Variants in NYAP2 observed in about 807,000 individuals in gnomAD.
The protein encoded by NYAP2 is neuronal tyrosine-phosphorylated phosphoinositide-3-kinase adaptor 2, also known as neuronal tyrosine-phosphorylated phosphoinositide-3-kinase adapter 2.
In NYAP2, 23 loss-of-function variants were observed where a neutral mutation model predicts 50.4. The ratio of observed to expected loss-of-function variants is 0.46; its 90% CI spans 0.33 to 0.65. NYAP2 has a LOEUF of 0.65. Among genes scored for constraint, NYAP2 ranks in the 30% least tolerant of loss-of-function variants. The pLI, the probability that NYAP2 is intolerant of heterozygous loss-of-function variation, is 0.02. For missense variants in NYAP2, 885 were observed against 861.0 expected, an observed-to-expected ratio of 1.03 and a Z score of -0.35; for synonymous variants, 394 against 365.2, an observed-to-expected ratio of 1.08 and a Z score of -0.90.
chr2:225,695,766 A>T, the NYAP2 span, among the ~76,000 whole-genome samples: 1 of 151,976 alleles, frequency 6.6e-6, no homozygotes. Flanking sequence ...CCACTTTGAC[A>T]GTCTCCTGTT....
chr2:225,538,081 T>G (rs911820060), intron 4 of NYAP2, among the ~76,000 whole-genome samples: 1 of 152,174 alleles, frequency 6.6e-6, no homozygotes, highest in African/African-American at 2.4e-5. Context: ...CCCCTGTGGC[T>G]TTGCATGGTA....
chr2:225,535,375 AGTTAGGAGATGTGGGATGAC>A (rs1227447572), intron 4 of NYAP2, among the ~76,000 whole-genome samples: 1 of 152,180 alleles, frequency 6.6e-6, no homozygotes, highest in Admixed American at 6.5e-5. Flanking sequence ...TCCCAAAGAT[AGTTAGGAGATGTGGGATGAC>A]GTATGTAGAT....
At chr2:225,454,905 C>G (rs185489257) in intron 3 of NYAP2, among the ~76,000 whole-genome samples, 1 of 152,132 alleles carries the variant, frequency 6.6e-6, no homozygotes, top group East Asian at 1.9e-4. Flanking sequence ...GTTTGCTAAC[C>G]AGCTGACCAT....
intron 3 of NYAP2, among the ~76,000 whole-genome samples, chr2:225,474,183 A>C (rs1690062031): frequency 6.6e-6 from 1 of 152,172 alleles, no homozygotes; most frequent in African/African-American, 2.4e-5. Flanking sequence ...CTCTTTTGGT[A>C]CCAGTACCAT....
chr2:225,698,581 T>A, the NYAP2 span: 7 of 152,296 alleles, frequency 4.6e-5, no homozygotes, highest in African/African-American at 1.7e-4. Context: ...CATTTCTTAA[T>A]ATGAAGAGGG....
At chr2:225,435,585 T>A (rs1251729789) in intron 3 of NYAP2, among the ~76,000 whole-genome samples, 1 of 152,240 alleles carries the variant, frequency 6.6e-6, no homozygotes, top group African/African-American at 2.4e-5. Context: ...GCAGAATAAA[T>A]TGTGTATCAT....
chr2:225,439,221 A>T (rs1400397239), intron 3 of NYAP2, among the ~76,000 whole-genome samples: 1 of 152,158 alleles, frequency 6.6e-6, no homozygotes, highest in Non-Finnish European at 1.5e-5. Context: ...AGGAAGTTGA[A>T]GATATAGGAA....
intron 3 of NYAP2, among the ~76,000 whole-genome samples, chr2:225,485,917 T>A (rs1690287926): frequency 6.6e-6 from 1 of 152,194 alleles, no homozygotes. Flanking sequence ...CCATGGCCTC[T>A]AATCATTAGA....
intron 5 of NYAP2, among the ~76,000 whole-genome samples, chr2:225,622,332 C>A (rs539485926): frequency 6.6e-6 from 1 of 151,792 alleles, no homozygotes; most frequent in Non-Finnish European, 1.5e-5. Context: ...GAACCTGGCT[C>A]CTGCTTTCAA....
At chr2:225,570,207 G>T (rs1326139237) in intron 4 of NYAP2, among the ~76,000 whole-genome samples, 1 of 152,166 alleles carries the variant, frequency 6.6e-6, no homozygotes, top group Non-Finnish European at 1.5e-5. Flanking sequence ...TGGATAGAAT[G>T]CCACAAAAGG....
chr2:225,695,874 G>T, the NYAP2 span, among the ~76,000 whole-genome samples: 7 of 151,804 alleles, frequency 4.6e-5, 1 homozygote, highest in Non-Finnish European at 1.0e-4. Flanking sequence ...AGGAATTAGA[G>T]GACACCAAAA....
intron 5 of NYAP2, among the ~76,000 whole-genome samples, chr2:225,622,509 TCTTTCTTTC>T (rs1225476961): frequency 1.1e-4 from 3 of 26,922 alleles, no homozygotes; most frequent in Admixed American, 6.5e-4. Context: ...TTCTTTTCTT[TCTTTCTTTC>T]TTCTTTCTTT....
At chr2:225,637,836 T>A (rs1206527016) in intron 6 of NYAP2, among the ~76,000 whole-genome samples, 1 of 152,126 alleles carries the variant, frequency 6.6e-6, no homozygotes, top group Non-Finnish European at 1.5e-5. Flanking sequence ...TTTTAAATGG[T>A]CAAAGCATGT....
chr2:225,581,873 C>T, intron 4 of NYAP2, 68 bp from the exon 5 acceptor site: 1 of 1,446,560 alleles, frequency 6.9e-7, no homozygotes, highest in Non-Finnish European at 9.4e-7. Flanking sequence ...AGTAAACCCA[C>T]ATGCAAATCA....
chr2:225,410,267 G>A (rs1211090092), intron 3 of NYAP2, among the ~76,000 whole-genome samples: 1 of 151,892 alleles, frequency 6.6e-6, no homozygotes, highest in Non-Finnish European at 1.5e-5. Context: ...TATATTATCA[G>A]GTATAGAAAT....
intron 4 of NYAP2, among the ~76,000 whole-genome samples, chr2:225,577,821 TA>T (rs111806080): frequency 0.012 from 1,168 of 94,642 alleles, 15 homozygotes; most frequent in African/African-American, 0.039. Flanking sequence ...TTTTTTTTTT[TA>T]AAAAAAGAAG....
At chr2:225,608,361 T>C (rs951546140) in intron 5 of NYAP2, among the ~76,000 whole-genome samples, 5 of 152,112 alleles carry the variant, frequency 3.3e-5, no homozygotes, top group African/African-American at 1.2e-4. Flanking sequence ...GCCTGTGACC[T>C]GGGATAATTA....
intron 3 of NYAP2, among the ~76,000 whole-genome samples, chr2:225,469,065 T>G (rs552995875): frequency 1.3e-5 from 2 of 152,190 alleles, no homozygotes; most frequent in Non-Finnish European, 2.9e-5. Flanking sequence ...GAAACTATCA[T>G]CAGCGTGAAC....
At chr2:225,398,431 AT>A (rs943975142), upstream of NYAP2, among the ~76,000 whole-genome samples, 15 of 150,032 alleles carry the variant, frequency 1.0e-4, no homozygotes, top group African/African-American at 2.0e-4. Flanking sequence ...TCTGTCAATA[AT>A]TTTTTTTTTG....
Sources: gnomAD v4.1 joint callset for allele counts (sites outside exome capture counted in the v4.1 genomes callset) on GRCh38, gnomAD v4.1.1 for gene constraint, MANE v1.5 for transcripts, NCBI Gene and HGNC (gene_info 2026-07-23, HGNC 2026-07-21) for gene names.